The following EPHA5 variants were observed in gnomAD, a reference collection of about 807,000 sequenced individuals.
The protein encoded by EPHA5 is ephrin type-A receptor 5.
A neutral mutation model predicts 105.0 loss-of-function variants in EPHA5; 60 were observed. The observed-to-expected ratio is 0.57, with a 90% CI of 0.46 to 0.71. The LOEUF is 0.71. Among genes scored for constraint, EPHA5 ranks in the 30% least tolerant of loss-of-function variants. The probability of loss-of-function intolerance (pLI) is 0.00; values close to 1 mark genes in which losing one functional copy is unlikely to be tolerated. For synonymous variants in EPHA5, 513 were observed against 449.1 expected, an observed-to-expected ratio of 1.14 and a Z score of -1.80; for missense variants, 1,218 against 1,274.7, an observed-to-expected ratio of 0.96 and a Z score of 0.68.
At position 65,401,770 on chromosome 4, in the gene EPHA5, T is replaced by G. The variant is rs191013680; in HGVS notation, c.1793+2604A>C. Among the ~76,000 whole-genome samples, 12 of 152,216 alleles carry G rather than the reference T, an allele frequency of 7.9e-5. No homozygotes were observed. In the East Asian group the frequency reaches 2.3e-3, roughly 30 times the overall value. ...GTTCAAAAATTTTTTTACCAAGCTT[T>G]GGATTTGGCAGAAAATTAAGCTATG... On this transcript the variant is annotated intron_variant, in intron 8 of 16. Transcript: ENST00000613740.
At chr4:65,574,669 CAT>C (rs1261162946) in intron 3 of EPHA5, among the ~76,000 whole-genome samples, 3 of 29,832 alleles carry the variant, frequency 1.0e-4, no homozygotes, top group African/African-American at 2.0e-4. Context: ...TATATATACA[CAT>C]ATATATACAT....
At chr4:65,332,167 T>A (rs766522179) in intron 15 of EPHA5, 39 bp from the exon 16 acceptor site, 2 of 1,479,394 alleles carry the variant, frequency 1.4e-6, no homozygotes, top group East Asian at 5.1e-5. Context: ...AGTTACAATT[T>A]AATTCTTTTA....
At chr4:65,483,232 T>C (rs112178028) in intron 5 of EPHA5, among the ~76,000 whole-genome samples, 1,628 of 152,338 alleles carry the variant, frequency 0.011, 16 homozygotes, top group Non-Finnish European at 0.016. Flanking sequence ...AGTGTATATG[T>C]GCCACATTTT....
chr4:65,551,286 ATATAT>A (rs1737894499), intron 3 of EPHA5, among the ~76,000 whole-genome samples: 1 of 119,266 alleles, frequency 8.4e-6, no homozygotes, highest in Non-Finnish European at 1.9e-5. Flanking sequence ...GTGTGTATAT[ATATAT>A]ATATATATAT....
chr4:65,360,810 A>T (rs1470333458), intron 11 of EPHA5, among the ~76,000 whole-genome samples: 1 of 151,628 alleles, frequency 6.6e-6, no homozygotes, highest in Non-Finnish European at 1.5e-5. Flanking sequence ...TTATTCATTC[A>T]CTATTTTAAT....
intron 7 of EPHA5, among the ~76,000 whole-genome samples, chr4:65,412,885 T>C (rs1723043992): frequency 6.6e-6 from 1 of 152,168 alleles, no homozygotes; most frequent in Non-Finnish European, 1.5e-5. Flanking sequence ...GAGTAGAATT[T>C]ACAGTTGTTT....
At chr4:65,341,578 A>T (rs1307221170) in intron 14 of EPHA5, among the ~76,000 whole-genome samples, 2 of 149,822 alleles carry the variant, frequency 1.3e-5, no homozygotes, top group East Asian at 3.9e-4. Context: ...TATTATATAT[A>T]TTATATTTAT....
At chr4:65,396,214 C>T (rs1560491395) in intron 8 of EPHA5, among the ~76,000 whole-genome samples, 1 of 152,192 alleles carries the variant, frequency 6.6e-6, no homozygotes. Context: ...GGTGTGTGTG[C>T]ATTCGGGGCA....
intron 5 of EPHA5, among the ~76,000 whole-genome samples, chr4:65,477,566 C>G (rs1356629568): frequency 6.6e-6 from 1 of 151,952 alleles, no homozygotes; most frequent in African/African-American, 2.4e-5. Context: ...GTGTGCACCA[C>G]CACGCTCAGG....
intron 5 of EPHA5, among the ~76,000 whole-genome samples, chr4:65,421,089 A>C (rs907122342): frequency 3.3e-5 from 5 of 152,090 alleles, no homozygotes; most frequent in Admixed American, 2.0e-4. Context: ...ACACTTTAAA[A>C]TAAGAGCAAA....
intron 3 of EPHA5, among the ~76,000 whole-genome samples, chr4:65,522,786 TCTTCA>T (rs1178387259): frequency 1.3e-5 from 2 of 152,026 alleles, no homozygotes; most frequent in Non-Finnish European, 2.9e-5. Flanking sequence ...CTTCATGAGC[TCTTCA>T]CTTCTATTTC....
intron 2 of EPHA5, among the ~76,000 whole-genome samples, chr4:65,635,204 A>G (rs1024215571): frequency 2.6e-5 from 4 of 152,096 alleles, no homozygotes; most frequent in African/African-American, 9.7e-5. Context: ...AAAAGCCATA[A>G]ACTCCTGTTT....
intron 3 of EPHA5, among the ~76,000 whole-genome samples, chr4:65,512,594 G>A (rs1453067289): frequency 1.3e-5 from 2 of 152,024 alleles, no homozygotes; most frequent in Admixed American, 6.6e-5. Flanking sequence ...CTGAAGTGCC[G>A]GCTTCTCCTT....
chr4:65,363,396 A>T (rs1225695159), intron 11 of EPHA5, among the ~76,000 whole-genome samples: 2 of 151,574 alleles, frequency 1.3e-5, no homozygotes, highest in Non-Finnish European at 3.0e-5. Context: ...ATTCAAATTA[A>T]AATTCAATTG....
intron 1 of EPHA5, among the ~76,000 whole-genome samples, chr4:65,660,455 C>A (rs182804454): frequency 6.6e-6 from 1 of 151,930 alleles, no homozygotes; most frequent in African/African-American, 2.4e-5. Context: ...AGGAAGATGA[C>A]GATCTGTGAG....
rs531659689 is a variant in EPHA5 at position 65,567,752 on chromosome 4, G to A, written c.910+33889C>T. Among the ~76,000 whole-genome samples the A allele has an allele frequency of 1.2e-4, 18 of 151,608 alleles. No individual in the cohort carries two copies. In the South Asian group the frequency reaches 3.7e-3, roughly 31 times the overall value. Reference sequence around the variant, plus strand: ...AGTAGTATGTTCGACTCAAAATAGTGAAACTCAAAATATGTATCAGTGGAT... The same window carrying A: ...AGTAGTATGTTCGACTCAAAATAGTAAAACTCAAAATATGTATCAGTGGAT... On this transcript the variant is annotated intron_variant, in intron 3 of 16. Coordinates refer to ENST00000613740, the MANE Select transcript of EPHA5 (RefSeq NM_001281766.3).
chr4:65,520,173 C>T (rs527644104), intron 3 of EPHA5, among the ~76,000 whole-genome samples: 3 of 151,984 alleles, frequency 2.0e-5, no homozygotes, highest in Non-Finnish European at 2.9e-5. Flanking sequence ...CTGGTACCAA[C>T]ACAGAGATAT....
intron 3 of EPHA5, among the ~76,000 whole-genome samples, chr4:65,507,042 T>C (rs1179442494): frequency 2.0e-5 from 3 of 152,192 alleles, no homozygotes; most frequent in Non-Finnish European, 4.4e-5. Flanking sequence ...TTAATTTTTT[T>C]ATAAGGTGTA....
At chr4:65,600,173 T>C (rs1398729879) in intron 3 of EPHA5, among the ~76,000 whole-genome samples, 1 of 152,182 alleles carries the variant, frequency 6.6e-6, no homozygotes, top group African/African-American at 2.4e-5. Context: ...TTTTGATCCT[T>C]TAATTACATA....
Sources: gnomAD v4.1 joint callset for allele counts (sites outside exome capture counted in the v4.1 genomes callset) on GRCh38, gnomAD v4.1.1 for gene constraint, MANE v1.5 for transcripts, NCBI Gene and HGNC (gene_info 2026-07-23, HGNC 2026-07-21) for gene names.